RANBP17: variants seen among roughly 807,000 people sequenced by gnomAD.
RANBP17 encodes ran-binding protein 17.
In RANBP17, 158 loss-of-function variants were observed where a neutral mutation model predicts 141.2. That is an observed-to-expected ratio of 1.12 (90% confidence interval 0.98 to 1.28). The LOEUF (loss-of-function observed/expected upper bound fraction) is 1.28. Among genes scored for constraint, RANBP17 ranks in the 50% most tolerant of loss-of-function variants. RANBP17 has a pLI of 0.00. For missense variants in RANBP17, 1,438 were observed against 1,290.7 expected (o/e 1.11, Z -1.75); for synonymous variants, 430 against 450.0 (o/e 0.96, Z 0.56).
chr5:170,889,325 GTTTCCCCTTTCTTT>G (rs1769414426), intron 3 of RANBP17, among the ~76,000 whole-genome samples: 1 of 151,928 alleles, frequency 6.6e-6, no homozygotes, highest in Non-Finnish European at 1.5e-5. Flanking sequence ...GAAATTGAGT[GTTTCCCCTTTCTTT>G]TAATTATTTT....
chr5:170,910,784 T>C, intron 6 of RANBP17, 185 bp from the exon 7 acceptor site: 2 of 555,676 alleles, frequency 3.6e-6, no homozygotes, highest in Non-Finnish European at 6.4e-6. Context: ...TGTGATTCTT[T>C]TATGCATGAA....
intron 14 of RANBP17, among the ~76,000 whole-genome samples, chr5:171,074,084 T>A (rs557996412): frequency 1.3e-5 from 2 of 152,064 alleles, no homozygotes; most frequent in East Asian, 1.9e-4. Context: ...GAGGACAATA[T>A]GGAAAAGAAA....
Position 170,918,764 on chromosome 5 carries a change from T to G in RANBP17, c.1006T>G (p.Leu336Val). Reference protein sequence around the residue: ...YHEFCRFLARLKTNYQLGELV... With the variant: ...YHEFCRFLARVKTNYQLGELV... ...TGAATTTTGTCGATTTTTGGCTCGT[T>G]TAAAGACAAATTATCAGCTGGGAGA... The change falls in exon 10 of 28, where the codon TTA becomes GTA. Residue 336 changes from leucine to valine, a missense_variant. Physicochemically the swap from Leu to Val is conservative, Grantham distance 32 (BLOSUM62 1). Coordinates refer to ENST00000523189, the MANE Select transcript of RANBP17 (RefSeq NM_022897.5). The G allele has an allele frequency of 6.2e-7, 1 of 1,608,174 alleles. No individual in the cohort carries two copies. The highest frequency in any genetic ancestry group is 8.5e-7 in the Non-Finnish European group (1 of 1,176,798).
At chr5:171,128,026 C>T (rs928283993) in intron 14 of RANBP17, among the ~76,000 whole-genome samples, 2 of 151,990 alleles carry the variant, frequency 1.3e-5, no homozygotes, top group Admixed American at 6.6e-5. Context: ...GTTGTGGTGG[C>T]GGGCACCTGT....
chr5:171,126,191 G>A (rs1756455878), intron 14 of RANBP17, among the ~76,000 whole-genome samples: 1 of 152,148 alleles, frequency 6.6e-6, no homozygotes, highest in Non-Finnish European at 1.5e-5. Flanking sequence ...ACAAATACAT[G>A]CAGTGTAAAC....
At chr5:171,269,229 ATTCTT>A (rs777581783) in intron 25 of RANBP17, among the ~76,000 whole-genome samples, 14 of 152,164 alleles carry the variant, frequency 9.2e-5, no homozygotes, top group Non-Finnish European at 1.9e-4. Flanking sequence ...TTTGACCTCT[ATTCTT>A]ATGCACAGTT....
In RANBP17 at chr5:171,199,813, T is replaced by A. The variant is rs201763892; in HGVS notation, c.2142+40T>A. ...AAATATGAGGAATGACAGTTTTGTT[T>A]TTTCTAGGATATCTAGATCCAGAAA... On this transcript the variant is annotated intron_variant, in intron 19 of 27. Transcript: ENST00000523189. The A allele has an allele frequency of 3.7e-4, 466 of 1,262,572 alleles. 2 individuals are homozygous for A. In the African/African-American group the frequency reaches 6.3e-3, roughly 17 times the overall value. The allele number at this position is 1,262,572 out of a possible 1,614,324, so 78.2% of individuals were successfully genotyped here.
chr5:171,071,653 C>CTAAA (rs1784639979), intron 14 of RANBP17, among the ~76,000 whole-genome samples: 2 of 69,646 alleles, frequency 2.9e-5, no homozygotes, highest in African/African-American at 5.9e-5. Context: ...CAGCTTTATG[C>CTAAA]AAAAAAAAAA....
At chr5:171,286,660 T>G (rs970258376) in intron 25 of RANBP17, among the ~76,000 whole-genome samples, 6 of 152,216 alleles carry the variant, frequency 3.9e-5, no homozygotes, top group African/African-American at 1.4e-4. Context: ...ACAATTGATT[T>G]CTTTTCCCTA....
At chr5:171,001,391 C>G (rs542704196) in intron 14 of RANBP17, among the ~76,000 whole-genome samples, 1 of 152,044 alleles carries the variant, frequency 6.6e-6, no homozygotes. Flanking sequence ...GTACCCAGGA[C>G]GTCCAATTAG....
chr5:170,932,378 T>C (rs1773466264), intron 12 of RANBP17, among the ~76,000 whole-genome samples: 1 of 152,166 alleles, frequency 6.6e-6, no homozygotes, highest in African/African-American at 2.4e-5. Context: ...CTTCCTCTTT[T>C]CCTAATTGAA....
chr5:171,174,923 T>C (rs944044555), intron 16 of RANBP17, among the ~76,000 whole-genome samples: 9 of 151,936 alleles, frequency 5.9e-5, no homozygotes, highest in Non-Finnish European at 1.2e-4. Context: ...CTACATCAGG[T>C]ATTTCTCCTA....
At chr5:171,247,535 A>C (rs1312501037) in intron 24 of RANBP17, among the ~76,000 whole-genome samples, 2 of 152,244 alleles carry the variant, frequency 1.3e-5, no homozygotes, top group Non-Finnish European at 2.9e-5. Context: ...TGATAGAGTG[A>C]TGACTTGCCG....
intron 18 of RANBP17, among the ~76,000 whole-genome samples, chr5:171,195,842 G>C (rs2127948067): frequency 6.6e-6 from 1 of 152,320 alleles, no homozygotes; most frequent in South Asian, 2.1e-4. Flanking sequence ...ACAACTTCAT[G>C]AGATTGTTCT....
In RANBP17 at chr5:170,924,440, A is replaced by G. The variant is rs544106622; in HGVS notation, c.1358A>G (p.Tyr453Cys). The G allele has an allele frequency of 6.8e-6, 11 of 1,613,626 alleles. No individual in the cohort carries two copies. The highest frequency in any genetic ancestry group is 2.2e-5 in the East Asian group (1 of 44,858). ...EQLCTVSRCEYEKTCALLVQL... is the reference protein window; with the variant it reads ...EQLCTVSRCECEKTCALLVQL... Reference sequence around the variant, plus strand: ...TTGTGCACGGTCAGCAGATGTGAATATGAAAAGACATGTGCTCTTCTTGTG... The same window carrying G: ...TTGTGCACGGTCAGCAGATGTGAATGTGAAAAGACATGTGCTCTTCTTGTG... The change falls in exon 12 of 28, where the codon TAT (tyrosine) becomes TGT (cysteine). Residue 453 changes from tyrosine (Y) to cysteine (C), a missense_variant. Transcript: ENST00000523189.
chr5:170,984,386 G>A (rs1431129388), intron 14 of RANBP17, among the ~76,000 whole-genome samples: 1 of 152,252 alleles, frequency 6.6e-6, no homozygotes, highest in East Asian at 1.9e-4. Context: ...TAGTGCTTTG[G>A]GAGATAAGGC....
intron 24 of RANBP17, among the ~76,000 whole-genome samples, chr5:171,258,118 TACACAC>T (rs34304503): frequency 0.16 from 20,798 of 128,176 alleles, 1,681 homozygotes; most frequent in East Asian, 0.22. Context: ...AAAAAAAAAA[TACACAC>T]ACACACACAC....
intron 22 of RANBP17, among the ~76,000 whole-genome samples, chr5:171,223,879 C>T (rs1025828004): frequency 7.9e-5 from 12 of 152,222 alleles, no homozygotes. Context: ...GTTACCAATA[C>T]TTACCGACTT....
intron 14 of RANBP17, among the ~76,000 whole-genome samples, chr5:171,089,214 T>C (rs975127044): frequency 5.3e-5 from 7 of 131,182 alleles, no homozygotes; most frequent in African/African-American, 1.8e-4. Context: ...TGGAATACCC[T>C]GCAGTGTGAG....
Sources: gnomAD v4.1 joint callset for allele counts (sites outside exome capture counted in the v4.1 genomes callset) on GRCh38, gnomAD v4.1.1 for gene constraint, MANE v1.5 for transcripts, NCBI Gene and HGNC (gene_info 2026-07-23, HGNC 2026-07-21) for gene names.